MACF1: variants seen among roughly 807,000 people sequenced by gnomAD.
MACF1 encodes microtubule actin crosslinking factor 1.
MACF1 carries 193 observed loss-of-function variants against 854.8 expected under a neutral mutation model. The observed-to-expected ratio is 0.23, with a 90% CI of 0.20 to 0.25. MACF1 has a LOEUF of 0.25. Among genes scored for constraint, MACF1 ranks in the 10% least tolerant of loss-of-function variants. The pLI is 1.00. For synonymous variants in MACF1, 3,185 were observed against 3,226.7 expected (o/e 0.99, Z 0.44); for missense variants, 7,722 against 8,929.1 (o/e 0.86, Z 5.45).
At chr1:39,127,982 A>G (rs934587508) in intron 2 of MACF1, among the ~76,000 whole-genome samples, 1 of 152,236 alleles carries the variant, frequency 6.6e-6, no homozygotes, top group Admixed American at 6.5e-5. Context: ...CAAAGAAAAA[A>G]GTAAAAATTC....
chr1:39,209,229 A>T (rs1644489120), intron 1 of MACF1, among the ~76,000 whole-genome samples: 1 of 152,164 alleles, frequency 6.6e-6, no homozygotes, highest in Non-Finnish European at 1.5e-5. Context: ...TAAAAAAAAA[A>T]AAAATCAGTA....
chr1:39,261,219 C>G (rs553872962), intron 6 of MACF1, among the ~76,000 whole-genome samples: 7 of 152,252 alleles, frequency 4.6e-5, no homozygotes, highest in African/African-American at 1.4e-4. Flanking sequence ...TCCCTCCATT[C>G]TGTATCTTCC....
chr1:39,253,250 C>A (rs1645062068), intron 4 of MACF1, among the ~76,000 whole-genome samples: 1 of 152,076 alleles, frequency 6.6e-6, no homozygotes, highest in African/African-American at 2.4e-5. Context: ...GGGTTCTCTC[C>A]AGTGGGTTGT....
chr1:39,202,996 T>G (rs1644411114), upstream of MACF1, among the ~76,000 whole-genome samples: 1 of 151,976 alleles, frequency 6.6e-6, no homozygotes, highest in Non-Finnish European at 1.5e-5. Flanking sequence ...GTTATGCACA[T>G]CTAAAACTCT....
In MACF1 at chr1:39,093,120, C is replaced by T. The variant is rs139618353; in HGVS notation, c.220+8682C>T. ...TTCCATTCTCTTACTCAACAATCAACACAAGAAGACTTCTGTGACGCCAAG... is the reference window on the plus strand; with the variant it reads ...TTCCATTCTCTTACTCAACAATCAATACAAGAAGACTTCTGTGACGCCAAG... On this transcript the variant is annotated intron_variant, in intron 2 of 93. Transcript: ENST00000361689. 7.7e-3 allele frequency among the ~76,000 whole-genome samples: 1,172 copies of T among 151,920 alleles called. 14 individuals carry two copies. The highest frequency in any genetic ancestry group is 0.027 in the African/African-American group (1,111 of 41,410).
At chr1:39,090,259 C>T (rs1408209650) in intron 2 of MACF1, among the ~76,000 whole-genome samples, 10 of 152,252 alleles carry the variant, frequency 6.6e-5, no homozygotes, top group Non-Finnish European at 1.2e-4. Context: ...AGCTTCTCTA[C>T]TTCTTCCTGG....
rs142408494 is a variant in MACF1, at chr1:39,371,026, A to G, written c.13095+840A>G. ...TGGGGACTGTGGCTCTTTGGAATCAAGAGTGATTAATGGCCAGGCGCAGTG... is the reference window on the plus strand; with the variant it reads ...TGGGGACTGTGGCTCTTTGGAATCAGGAGTGATTAATGGCCAGGCGCAGTG... On this transcript the variant is annotated intron_variant, in intron 51 of 100. Coordinates refer to ENST00000564288, the MANE Select transcript of MACF1 (RefSeq NM_001394062.1). 4.7e-4 allele frequency among the ~76,000 whole-genome samples: 71 copies of G among 152,298 alleles called. 2 individuals are homozygous for G. The highest frequency in any genetic ancestry group is 7.2e-4 in the Non-Finnish European group (49 of 68,032).
chr1:39,423,791 C>T (rs1643634381), intron 60 of MACF1, among the ~76,000 whole-genome samples: 1 of 151,658 alleles, frequency 6.6e-6, no homozygotes, highest in Non-Finnish European at 1.5e-5. Context: ...AAAGGAAGTT[C>T]CCTGTTAGTC....
chr1:39,122,867 A>G (rs921315157), intron 2 of MACF1, among the ~76,000 whole-genome samples: 11 of 152,146 alleles, frequency 7.2e-5, no homozygotes, highest in Non-Finnish European at 1.2e-4. Flanking sequence ...CAAGGTTAAC[A>G]TAGTTTCCTT....
intron 40 of MACF1, among the ~76,000 whole-genome samples, chr1:39,344,198 G>A (rs892182795): frequency 1.6e-4 from 25 of 152,070 alleles, no homozygotes; most frequent in Admixed American, 3.9e-4. Flanking sequence ...AGGCGAAGGC[G>A]GGAGGATCAC....
intron 2 of MACF1, among the ~76,000 whole-genome samples, chr1:39,102,440 G>A (rs35915715): frequency 6.6e-6 from 1 of 151,664 alleles, no homozygotes; most frequent in Non-Finnish European, 1.5e-5. Context: ...GAGGCGGGGG[G>A]GGGGTCAAGG....
At chr1:39,430,624 T>C (rs1337253361) in intron 65 of MACF1, 78 bp from the exon 66 acceptor site, 5 of 1,119,494 alleles carry the variant, frequency 4.5e-6, no homozygotes, top group East Asian at 2.4e-5. Flanking sequence ...GTGGTAGAGA[T>C]AGCAATTTCC....
At chr1:39,298,406 A>C (rs1645969384) in intron 21 of MACF1, among the ~76,000 whole-genome samples, 1 of 152,234 alleles carries the variant, frequency 6.6e-6, no homozygotes, top group Non-Finnish European at 1.5e-5. Flanking sequence ...TAGCAGAAAG[A>C]CTACTTATAT....
Position 39,429,287 on chromosome 1 carries a change from G to A in MACF1, c.16849G>A (p.Ala5617Thr), listed in dbSNP as rs1391929144. ...IVNRKKNVDQ[A>T]IKNGQALLKQ... ...TAATAGAAAGAAGAATGTAGATCAAGCTATTAAAAATGGTCAGGCTCTTCT... is the reference window on the plus strand; with the variant it reads ...TAATAGAAAGAAGAATGTAGATCAAACTATTAAAAATGGTCAGGCTCTTCT... Residue 5617 changes from alanine to threonine, a missense_variant, in exon 64 of 101, where the codon GCT becomes ACT. Transcript: ENST00000564288. 2.5e-6 allele frequency: 4 copies of A among 1,589,164 alleles called. No homozygotes were observed. The South Asian group carries it at 3.3e-5, about 13-fold the overall frequency.
intron 30 of MACF1, among the ~76,000 whole-genome samples, chr1:39,319,367 T>A (rs944629217): frequency 6.6e-5 from 10 of 152,140 alleles, no homozygotes; most frequent in African/African-American, 2.4e-4. Context: ...TGCAGCACTT[T>A]GGGAGGCCGA....
chr1:39,116,437 C>T (rs2148150825), intron 2 of MACF1, among the ~76,000 whole-genome samples: 1 of 151,780 alleles, frequency 6.6e-6, no homozygotes, highest in East Asian at 1.9e-4. Context: ...TGTGTTTTCC[C>T]TCTAGCCCTA....
At chr1:39,093,482 A>ATTTT (rs35211687) in intron 2 of MACF1, among the ~76,000 whole-genome samples, 2 of 104,300 alleles carry the variant, frequency 1.9e-5, no homozygotes, top group African/African-American at 3.8e-5. Flanking sequence ...CGCCTGGCTA[A>ATTTT]TTTTTTTTTT....
intron 2 of MACF1, among the ~76,000 whole-genome samples, chr1:39,095,956 T>TCGTAGTGAGTCGAGACTGCGC (rs1488331359): frequency 2.0e-5 from 3 of 150,126 alleles, no homozygotes; most frequent in African/African-American, 7.5e-5. Context: ...ATCACTTGAG[T>TCGTAGTGAGTCGAGACTGCGC]CTGGGATATC....
At chr1:39,439,243 C>A in intron 71 of MACF1, 31 bp from the exon 72 acceptor site, 2 of 1,376,138 alleles carry the variant, frequency 1.5e-6, no homozygotes, top group South Asian at 1.2e-5. Flanking sequence ...TCAGAAAGTC[C>A]TATTCATATC....
Sources: allele counts gnomAD v4.1 joint callset (sites outside exome capture counted in the v4.1 genomes callset), GRCh38; gene constraint gnomAD v4.1.1; transcripts MANE v1.5; gene names NCBI Gene and HGNC (gene_info 2026-07-23, HGNC 2026-07-21).